Variants in UNC80 observed in about 807,000 individuals in gnomAD.
UNC80 encodes protein unc-80 homolog.
Under a neutral mutation model 384.6 loss-of-function variants are expected in UNC80, and 164 were observed. The observed-to-expected ratio is 0.43, with a 90% CI of 0.38 to 0.49. The LOEUF (loss-of-function observed/expected upper bound fraction) is 0.49, where lower values mean the gene tolerates loss of function less well. UNC80 is among the 20% of genes least tolerant of loss of function. UNC80 has a pLI of 0.00. For missense variants in UNC80, 3,330 were observed against 4,143.0 expected, an observed-to-expected ratio of 0.80 and a Z score of 5.39; for synonymous variants, 1,486 against 1,527.8, an observed-to-expected ratio of 0.97 and a Z score of 0.64.
intron 34 of UNC80, 96 bp from the exon 35 acceptor site, chr2:209,922,156 C>T: frequency 7.3e-7 from 1 of 1,369,900 alleles, no homozygotes; most frequent in Non-Finnish European, 1.0e-6. Context: ...GCCTTATGGT[C>T]TGAGAGCAGT....
At chr2:209,787,158 A>ATGTCCCTGCAT (rs1559088597) in intron 5 of UNC80, among the ~76,000 whole-genome samples, 1 of 152,108 alleles carries the variant, frequency 6.6e-6, no homozygotes, top group South Asian at 2.1e-4. Flanking sequence ...CTAAGAAACC[A>ATGTCCCTGCAT]GACTCAGCTT....
At chr2:209,896,280 A>G (rs772391127) in intron 27 of UNC80, 33 bp from the exon 28 acceptor site, 1 of 1,537,186 alleles carries the variant, frequency 6.5e-7, no homozygotes, top group Non-Finnish European at 8.8e-7. Context: ...GAGACCGAAC[A>G]CTGAAACCTT....
intron 21 of UNC80, among the ~76,000 whole-genome samples, chr2:209,848,861 C>G (rs1252189275): frequency 6.6e-6 from 1 of 152,056 alleles, no homozygotes; most frequent in African/African-American, 2.4e-5. Context: ...TAAACCCAGG[C>G]CCATAACTGT....
At chr2:209,811,873 G>C (rs1419966958) in intron 7 of UNC80, among the ~76,000 whole-genome samples, 1 of 152,160 alleles carries the variant, frequency 6.6e-6, no homozygotes, top group Non-Finnish European at 1.5e-5. Context: ...TAGAAGAGCT[G>C]TAAAAATAAT....
In UNC80 at chr2:209,874,107, C is replaced by T. The variant is rs186530163; in HGVS notation, c.3840+1137C>T. Among the ~76,000 whole-genome samples, 310 of 152,230 alleles carry T rather than the reference C, an allele frequency of 2.0e-3. 2 individuals are homozygous for T. The highest frequency in any genetic ancestry group is 7.2e-3 in the African/African-American group (298 of 41,528). ...CATTATATATGAGAAGACACAGTTT[C>T]TCCTATGTAATATCTATTTTTGTAA... is the stretch of plus-strand genomic sequence containing the variant. On this transcript the variant is annotated intron_variant, in intron 23 of 64. Coordinates refer to ENST00000673920, the MANE Select transcript of UNC80 (RefSeq NM_001371986.1).
At position 209,872,921 on chromosome 2, in the gene UNC80, A is replaced by C; in HGVS notation, c.3791A>C (p.Asn1264Thr). The C allele has an allele frequency of 1.3e-6, 2 of 1,551,648 alleles. No individual in the cohort carries two copies. Among genetic ancestry groups the C allele is most frequent in the Non-Finnish European group, 1.7e-6 (2 of 1,146,972 alleles). ...TCTCCCATTGTGGGCAACAAGCGAAACCAGAAGCTGCAGTGGAATGCAGCC... is the reference window on the plus strand; with the variant it reads ...TCTCCCATTGTGGGCAACAAGCGAACCCAGAAGCTGCAGTGGAATGCAGCC... ...GRSPIVGNKR[N>T]QKLQWNAAKL... Residue 1264 changes from asparagine (N) to threonine (T), a missense_variant, in exon 23 of 65, where the codon AAC becomes ACC. By Grantham distance (65) the Asn-to-Thr change is moderately conservative. This residue lies in a region of UNC80 where 801 missense variants were observed against 950.8 expected (regional missense o/e 0.84). Transcript: ENST00000673920. The surrounding 1 kb of genome is among the most constrained non-coding windows in gnomAD (Gnocchi z 4.1).
rs759704277 is a variant in UNC80 at position 209,772,187 on chromosome 2, C to A, written c.92+23C>A. Reference sequence around the variant, plus strand: ...CAGGTGAGGGGCGCAGAGGGCGCACCGCGGGCCGCCCTGGGCTGGGGGCGC... The same window carrying A: ...CAGGTGAGGGGCGCAGAGGGCGCACAGCGGGCCGCCCTGGGCTGGGGGCGC... On this transcript the variant is annotated intron_variant, in intron 1 of 64. Coordinates refer to ENST00000673920, the MANE Select transcript of UNC80 (RefSeq NM_001371986.1). 7 of 1,519,256 alleles carry A rather than the reference C, an allele frequency of 4.6e-6. No homozygotes were observed. The South Asian group carries it at 7.2e-5, about 16-fold the overall frequency. The allele number at this position is 1,519,256 out of a possible 1,614,324, so 94.1% of individuals were successfully genotyped here.
Position 209,982,152 on chromosome 2 carries a change from A to G in UNC80, c.9119-27A>G, listed in dbSNP as rs957366389. ...TTCTGATCAGTGTCATAGTTTTTGT[A>G]ACACTCTATTCCTTTGCCCCTTTTA... On this transcript the variant is annotated intron_variant, in intron 59 of 64. Coordinates refer to ENST00000673920, the MANE Select transcript of UNC80 (RefSeq NM_001371986.1). 1.9e-6 allele frequency: 3 copies of G among 1,543,910 alleles called. No homozygotes were observed. In the Admixed American group the frequency reaches 5.9e-5, roughly 31 times the overall value.
At chr2:209,794,755 T>C (rs760673992) in intron 7 of UNC80, 86 of 453,634 alleles carry the variant, frequency 1.9e-4, no homozygotes, top group Non-Finnish European at 3.5e-4. Flanking sequence ...GTTTCCACTT[T>C]TGTCTCTTCT....
At chr2:209,967,227 T>G (rs1427734428) in intron 51 of UNC80, among the ~76,000 whole-genome samples, 1 of 152,106 alleles carries the variant, frequency 6.6e-6, no homozygotes, top group African/African-American at 2.4e-5. Flanking sequence ...CTCTGAAGCA[T>G]TCTATGATTC....
chr2:209,813,721 A>T lies in UNC80; in HGVS notation c.1080A>T (p.Arg360=). The T allele has an allele frequency of 6.4e-7, 1 of 1,551,754 alleles. No individual in the cohort carries two copies. Among genetic ancestry groups the T allele is most frequent in the Non-Finnish European group, 8.7e-7 (1 of 1,147,014 alleles). The change falls in exon 8 of 65, where the codon CGA becomes CGT. Residue 360 remains arginine (R), a synonymous_variant. Transcript: ENST00000673920. ...WSLMYYLQRL[R]HMLEEKPEKP... ...TGATGTACTATCTACAAAGGCTGCG[A>T]CACATGTTGGAAGAGAAGCCAGAAA...
chr2:209,861,368 T>C (rs2083331601), intron 22 of UNC80, among the ~76,000 whole-genome samples: 1 of 152,214 alleles, frequency 6.6e-6, no homozygotes. Flanking sequence ...TGCATATGTT[T>C]AACCAGTCTT....
chr2:209,912,722 C>A, intron 30 of UNC80, 55 bp downstream of exon 30: 1 of 1,222,644 alleles, frequency 8.2e-7, no homozygotes. Context: ...GAGGGGACTC[C>A]AGACAGCCTA....
chr2:209,828,654 A>G (rs576755310), intron 14 of UNC80, among the ~76,000 whole-genome samples: 1 of 152,248 alleles, frequency 6.6e-6, no homozygotes, highest in African/African-American at 2.4e-5. Context: ...ATCTGACTTC[A>G]ATGCCTGTGC....
chr2:209,935,388 G>A (rs192185200), intron 39 of UNC80, among the ~76,000 whole-genome samples: 4 of 152,268 alleles, frequency 2.6e-5, no homozygotes, highest in Admixed American at 1.3e-4. Context: ...TTGGGAGGCC[G>A]AGGCAGGTGG....
At chr2:209,809,463 C>A (rs752151743) in intron 7 of UNC80, 9 of 1,453,726 alleles carry the variant, frequency 6.2e-6, no homozygotes, top group Non-Finnish European at 8.7e-6. Flanking sequence ...TGCGGGCCCA[C>A]CTCCAGACCC....
At chr2:209,991,231 A>T (rs1047453649) in intron 61 of UNC80, among the ~76,000 whole-genome samples, 1 of 152,246 alleles carries the variant, frequency 6.6e-6, no homozygotes, top group African/African-American at 2.4e-5. Context: ...GGCAAAGCAG[A>T]AATTAATTAA....
intron 8 of UNC80, 58 bp downstream of exon 8, chr2:209,813,899 T>A: frequency 3.9e-6 from 6 of 1,523,604 alleles, no homozygotes; most frequent in Non-Finnish European, 5.3e-6. Flanking sequence ...AATGGATTCT[T>A]TTTTTCTCTG....
intron 35 of UNC80, among the ~76,000 whole-genome samples, chr2:209,925,004 T>C (rs2090317206): frequency 6.6e-6 from 1 of 152,030 alleles, no homozygotes; most frequent in Non-Finnish European, 1.5e-5. Flanking sequence ...TGCAAGGTTG[T>C]CAATTTTCAA....
Sources: allele counts gnomAD v4.1 joint callset (sites outside exome capture counted in the v4.1 genomes callset), GRCh38; gene constraint gnomAD v4.1.1; regional missense constraint gnomAD v4.1.1; non-coding constraint Gnocchi (gnomAD v3.1); transcripts MANE v1.5; gene names NCBI Gene and HGNC (gene_info 2026-07-23, HGNC 2026-07-21).